The following NLK variants were observed in gnomAD, a reference collection of about 807,000 sequenced individuals.
The protein encoded by NLK is nemo like kinase, also known as serine/threonine-protein kinase NLK.
NLK carries 11 observed loss-of-function variants against 59.0 expected under a neutral mutation model. That is an observed-to-expected ratio of 0.19 (90% CI 0.12 to 0.31). NLK has a LOEUF of 0.31. Ranked by LOEUF, NLK falls within the 10% of genes least tolerant of loss-of-function variation. NLK has a pLI of 1.00. For missense variants in NLK, 410 were observed against 661.1 expected, an observed-to-expected ratio of 0.62 and a Z score of 4.16; for synonymous variants, 235 against 235.9, an observed-to-expected ratio of 1.00 and a Z score of 0.03.
intron 1 of NLK, among the ~76,000 whole-genome samples, chr17:28,061,224 T>C (rs1235287067): frequency 6.6e-6 from 1 of 152,236 alleles, no homozygotes; most frequent in African/African-American, 2.4e-5. Flanking sequence ...TTATCCAGTT[T>C]CAGTGTTTTA....
At chr17:28,126,158 G>A (rs775952799) in intron 2 of NLK, among the ~76,000 whole-genome samples, 1 of 152,206 alleles carries the variant, frequency 6.6e-6, no homozygotes, top group Non-Finnish European at 1.5e-5. Context: ...AAGCACTGTG[G>A]GAGGGTTGCC....
chr17:28,124,247 A>G (rs1906199149), intron 2 of NLK, among the ~76,000 whole-genome samples: 1 of 152,250 alleles, frequency 6.6e-6, no homozygotes, highest in Non-Finnish European at 1.5e-5. Context: ...ACTTGAAGCC[A>G]GGGACAATGG....
chr17:28,199,537 G>C (rs904807463), downstream of NLK, among the ~76,000 whole-genome samples: 1 of 151,698 alleles, frequency 6.6e-6, no homozygotes, highest in Admixed American at 6.6e-5. Context: ...GTGGTGATGG[G>C]CGCCTATAGT....
intron 1 of NLK, 148 bp from the exon 2 acceptor site, chr17:28,122,455 C>G (rs936402420): frequency 2.7e-6 from 2 of 735,642 alleles, no homozygotes; most frequent in Middle Eastern, 2.6e-4. Context: ...TTTTATCTTT[C>G]TCACTGACAC....
At chr17:28,083,907 A>C (rs1289840068) in intron 1 of NLK, among the ~76,000 whole-genome samples, 1 of 152,184 alleles carries the variant, frequency 6.6e-6, no homozygotes, top group Non-Finnish European at 1.5e-5. Context: ...AGTTATGTTG[A>C]GTAGTCCTCA....
At chr17:28,085,387 T>C (rs985445567) in intron 1 of NLK, among the ~76,000 whole-genome samples, 15 of 152,338 alleles carry the variant, frequency 9.8e-5, no homozygotes, top group African/African-American at 3.6e-4. Flanking sequence ...AGTCATGCAC[T>C]GCATAATGAT....
intron 2 of NLK, among the ~76,000 whole-genome samples, chr17:28,132,175 A>G (rs1906545717): frequency 6.6e-6 from 1 of 152,186 alleles, no homozygotes; most frequent in African/African-American, 2.4e-5. Flanking sequence ...CCTCTTCTGT[A>G]GTCATGAGAG....
chr17:28,117,510 T>A (rs1038014167), intron 1 of NLK, among the ~76,000 whole-genome samples: 3 of 152,208 alleles, frequency 2.0e-5, no homozygotes, highest in African/African-American at 7.2e-5. Flanking sequence ...CTTTGCTATT[T>A]TTAGTTCATT....
rs112697516 is a variant in NLK, at chr17:28,089,709, C to T, written c.459-32894C>T. On this transcript the variant is annotated intron_variant, in intron 1 of 10. Coordinates refer to ENST00000407008, the MANE Select transcript of NLK (RefSeq NM_016231.5). ...AATAGTGTGTGAGTTCCAGTACCTC[C>T]GTATCACTGCTGTTACTTAGTATGG... 6.6e-3 allele frequency among the ~76,000 whole-genome samples: 999 copies of T among 152,156 alleles called. 17 individuals are homozygous for T. The highest frequency in any genetic ancestry group is 0.022 in the African/African-American group (933 of 41,510).
intron 3 of NLK, among the ~76,000 whole-genome samples, chr17:28,159,262 TAAATG>T (rs1263178221): frequency 1.3e-5 from 2 of 152,186 alleles, no homozygotes; most frequent in Non-Finnish European, 2.9e-5. Flanking sequence ...CTTTTACTCT[TAAATG>T]AAATGGAAAG....
At chr17:28,103,221 C>T (rs1904962518) in intron 1 of NLK, among the ~76,000 whole-genome samples, 1 of 152,096 alleles carries the variant, frequency 6.6e-6, no homozygotes, top group African/African-American at 2.4e-5. Context: ...CTGAGAGTAA[C>T]AAGAATGAGT....
intron 1 of NLK, chr17:28,116,480 A>G (rs926306032): frequency 6.6e-6 from 1 of 152,356 alleles, no homozygotes; most frequent in African/African-American, 2.4e-5. Flanking sequence ...GATATGTTCA[A>G]TTTACTTTTA....
intron 3 of NLK, among the ~76,000 whole-genome samples, chr17:28,148,930 T>C (rs1401450609): frequency 1.3e-5 from 2 of 152,212 alleles, no homozygotes; most frequent in Non-Finnish European, 2.9e-5. Context: ...GAAAAATTAG[T>C]TATTTAGCAT....
chr17:28,053,437 G>A (rs1909328964), intron 1 of NLK, among the ~76,000 whole-genome samples: 1 of 152,182 alleles, frequency 6.6e-6, no homozygotes, highest in Admixed American at 6.5e-5. Flanking sequence ...GTACCTGATC[G>A]TTGCCATGTT....
chr17:28,077,985 T>A (rs1242252452), intron 1 of NLK, among the ~76,000 whole-genome samples: 1 of 152,100 alleles, frequency 6.6e-6, no homozygotes, highest in East Asian at 1.9e-4. Flanking sequence ...TCTTAAGAGG[T>A]TGTTCTTCCT....
At chr17:28,119,410 G>A (rs1045313340) in intron 1 of NLK, among the ~76,000 whole-genome samples, 2 of 152,166 alleles carry the variant, frequency 1.3e-5, no homozygotes, top group African/African-American at 4.8e-5. Context: ...CCTTGAGCCT[G>A]TGTCAAGTAT....
At chr17:28,044,105 C>T (rs1306378329) in intron 1 of NLK, among the ~76,000 whole-genome samples, 1 of 152,166 alleles carries the variant, frequency 6.6e-6, no homozygotes, top group Non-Finnish European at 1.5e-5. Context: ...CCTACCTTTG[C>T]TAGTGCTAGG....
chr17:28,127,083 A>G (rs1319345531), intron 2 of NLK, among the ~76,000 whole-genome samples: 1 of 152,172 alleles, frequency 6.6e-6, no homozygotes, highest in African/African-American at 2.4e-5. Flanking sequence ...AGCCCCTGTA[A>G]CGCAAGTCTT....
intron 6 of NLK, among the ~76,000 whole-genome samples, chr17:28,170,236 A>G (rs902909189): frequency 6.6e-6 from 1 of 152,234 alleles, no homozygotes; most frequent in Non-Finnish European, 1.5e-5. Flanking sequence ...TGGTGACATG[A>G]TAAAGCCTTA....
Sources: gnomAD v4.1 joint callset for allele counts (sites outside exome capture counted in the v4.1 genomes callset) on GRCh38, gnomAD v4.1.1 for gene constraint, MANE v1.5 for transcripts, NCBI Gene and HGNC (gene_info 2026-07-23, HGNC 2026-07-21) for gene names.